Variants in CADPS observed in about 807,000 individuals in gnomAD.
CADPS encodes the protein calcium-dependent secretion activator 1.
Under a neutral mutation model 167.3 loss-of-function variants are expected in CADPS, and 57 were observed. That is an observed-to-expected ratio of 0.34 (90% CI 0.28 to 0.42). CADPS has a LOEUF of 0.42. CADPS is among the 20% of genes least tolerant of loss of function. CADPS has a pLI of 1.00. For missense variants in CADPS, 1,414 were observed against 1,738.1 expected (o/e 0.81, Z 3.32); for synonymous variants, 676 against 635.3 (o/e 1.06, Z -0.96).
At chr3:62,475,335 T>TA in intron 23 of CADPS, among the ~76,000 whole-genome samples, 1 of 152,242 alleles carries the variant, frequency 6.6e-6, no homozygotes, top group Middle Eastern at 3.4e-3. Context: ...AGCACCTGGT[T>TA]AGTAAGTGGC....
At chr3:62,693,368 A>G (rs1366295656) in intron 3 of CADPS, among the ~76,000 whole-genome samples, 1 of 152,150 alleles carries the variant, frequency 6.6e-6, no homozygotes, top group Non-Finnish European at 1.5e-5. Context: ...CAGGGACAGC[A>G]TCTGTCATGC....
intron 17 of CADPS, among the ~76,000 whole-genome samples, chr3:62,504,513 C>A (rs1194506699): frequency 6.6e-6 from 1 of 152,186 alleles, no homozygotes; most frequent in East Asian, 1.9e-4. Flanking sequence ...TAAGGCGCCT[C>A]TGGGTTGATC....
intron 1 of CADPS, among the ~76,000 whole-genome samples, chr3:62,787,058 C>T (rs1398520748): frequency 6.6e-6 from 1 of 152,134 alleles, no homozygotes; most frequent in Non-Finnish European, 1.5e-5. Context: ...CTTTGGGAGG[C>T]TGAGGCAGGA....
chr3:62,620,231 G>T (rs1379848896), intron 6 of CADPS, among the ~76,000 whole-genome samples: 1 of 152,072 alleles, frequency 6.6e-6, no homozygotes, highest in African/African-American at 2.4e-5. Context: ...GTCATTTAGG[G>T]ATCTCTTCCA....
chr3:62,490,059 A>G (rs2063454123), intron 21 of CADPS, among the ~76,000 whole-genome samples: 1 of 152,224 alleles, frequency 6.6e-6, no homozygotes, highest in Non-Finnish European at 1.5e-5. Context: ...AGGGGGGCAG[A>G]AAAGCCTATT....
At chr3:62,589,778 G>C (rs538296644) in intron 7 of CADPS, among the ~76,000 whole-genome samples, 1 of 152,146 alleles carries the variant, frequency 6.6e-6, no homozygotes, top group African/African-American at 2.4e-5. Flanking sequence ...TAAAACAAAG[G>C]ATTTCAATAT....
intron 17 of CADPS, chr3:62,500,715 G>T (rs1388395205): frequency 6.6e-6 from 1 of 152,130 alleles, no homozygotes; most frequent in Non-Finnish European, 1.5e-5. Flanking sequence ...TTGCTAGAAA[G>T]AATTACCTAT....
At chr3:62,609,869 C>G (rs1388803960) in intron 6 of CADPS, among the ~76,000 whole-genome samples, 3 of 152,028 alleles carry the variant, frequency 2.0e-5, no homozygotes, top group Admixed American at 1.3e-4. Flanking sequence ...GCAGGTGGAT[C>G]CCTTGAGCTC....
intron 1 of CADPS, among the ~76,000 whole-genome samples, chr3:62,783,758 T>C (rs1252493405): frequency 1.3e-5 from 2 of 152,226 alleles, no homozygotes; most frequent in East Asian, 3.8e-4. Context: ...TGTACAAGTA[T>C]AAAAGGAGTT....
At chr3:62,873,272 A>G (rs2082964467) in intron 1 of CADPS, among the ~76,000 whole-genome samples, 1 of 152,224 alleles carries the variant, frequency 6.6e-6, no homozygotes, top group African/African-American at 2.4e-5. Context: ...ACTCAAGGTA[A>G]GGGTGGATAA....
At chr3:62,808,352 A>G (rs1231268788) in intron 1 of CADPS, among the ~76,000 whole-genome samples, 4 of 152,112 alleles carry the variant, frequency 2.6e-5, no homozygotes, top group African/African-American at 7.2e-5. Context: ...GAATGGGAGA[A>G]AAAAAGTAAA....
intron 1 of CADPS, among the ~76,000 whole-genome samples, chr3:62,823,003 C>A (rs1391203187): frequency 2.0e-5 from 3 of 152,136 alleles, no homozygotes; most frequent in Non-Finnish European, 1.5e-5. Flanking sequence ...CCTTGACTGA[C>A]AATAGTCAGA....
chr3:62,636,938 A>G (rs572851933), intron 6 of CADPS, among the ~76,000 whole-genome samples: 1 of 152,254 alleles, frequency 6.6e-6, no homozygotes, highest in Admixed American at 6.5e-5. Context: ...CCCTTGGCCA[A>G]TTGATTTCCA....
At chr3:62,406,300 C>A (rs541322752) in intron 28 of CADPS, among the ~76,000 whole-genome samples, 1 of 152,320 alleles carries the variant, frequency 6.6e-6, no homozygotes, top group African/African-American at 2.4e-5. Flanking sequence ...TTTATCAGCA[C>A]AATCCTTGGT....
intron 3 of CADPS, among the ~76,000 whole-genome samples, chr3:62,686,615 A>G (rs1280650302): frequency 6.6e-6 from 1 of 151,908 alleles, no homozygotes; most frequent in Non-Finnish European, 1.5e-5. Context: ...TAATCCCCAT[A>G]TTTCATAATA....
intron 1 of CADPS, among the ~76,000 whole-genome samples, chr3:62,823,170 GT>G (rs754379924): frequency 1.5e-4 from 23 of 152,318 alleles, no homozygotes; most frequent in Non-Finnish European, 3.2e-4. Flanking sequence ...GAATGTGTGT[GT>G]TGTGGCAGCA....
chr3:62,723,755 C>T lies in CADPS; in HGVS notation c.888+29686G>A, dbSNP rs80035156. ...TAATTTGCATATGCTGCTTAAAATGCGAGAAGCCTGCTGCTCTGAGCCTGG... is the reference window on the plus strand; with the variant it reads ...TAATTTGCATATGCTGCTTAAAATGTGAGAAGCCTGCTGCTCTGAGCCTGG... On this transcript the variant is annotated intron_variant, in intron 3 of 29. Transcript: ENST00000383710. Among the ~76,000 whole-genome samples the T allele has an allele frequency of 5.5e-3, 834 of 152,316 alleles. 7 individuals carry two copies. Among genetic ancestry groups the T allele is most frequent in the African/African-American group, 0.019 (772 of 41,572 alleles).
chr3:62,781,762 G>A (rs1184897390), intron 1 of CADPS, among the ~76,000 whole-genome samples: 1 of 152,106 alleles, frequency 6.6e-6, no homozygotes, highest in Non-Finnish European at 1.5e-5. Context: ...CAAGATGGTA[G>A]GGGAGATACA....
intron 6 of CADPS, among the ~76,000 whole-genome samples, chr3:62,639,521 T>C (rs992226796): frequency 1.3e-5 from 2 of 152,162 alleles, no homozygotes; most frequent in African/African-American, 4.8e-5. Flanking sequence ...CTCTCCTCCA[T>C]GGGTGCACAA....
Sources: gnomAD v4.1 joint callset for allele counts (sites outside exome capture counted in the v4.1 genomes callset) on GRCh38, gnomAD v4.1.1 for gene constraint, MANE v1.5 for transcripts, NCBI Gene and HGNC (gene_info 2026-07-23, HGNC 2026-07-21) for gene names.